DPP10: variants seen among roughly 807,000 people sequenced by gnomAD.
DPP10 encodes the protein dipeptidyl peptidase like 10, also known as inactive dipeptidyl peptidase 10.
A neutral mutation model predicts 120.9 loss-of-function variants in DPP10; 33 were observed. The observed-to-expected ratio is 0.27, with a 90% CI of 0.21 to 0.37. The LOEUF (loss-of-function observed/expected upper bound fraction) is 0.37. Among genes scored for constraint, DPP10 ranks in the 10% least tolerant of loss-of-function variants. The probability of loss-of-function intolerance (pLI) is 1.00; values close to 1 mark genes in which losing one functional copy is unlikely to be tolerated. For synonymous variants in DPP10, 337 were observed against 326.1 expected (o/e 1.03, Z -0.36); for missense variants, 816 against 942.8 (o/e 0.87, Z 1.76).
intron 3 of DPP10, among the ~76,000 whole-genome samples, chr2:115,491,814 T>C (rs115921043): frequency 0.011 from 1,739 of 152,276 alleles, 28 homozygotes; most frequent in African/African-American, 0.039. Flanking sequence ...ATGCTCCTGC[T>C]CTGTCAACTG....
chr2:115,729,681 G>A (rs2092851675), intron 8 of DPP10, among the ~76,000 whole-genome samples: 1 of 152,128 alleles, frequency 6.6e-6, no homozygotes, highest in Non-Finnish European at 1.5e-5. Flanking sequence ...TTGTTAATGA[G>A]AGAGGATTGC....
At chr2:115,801,313 TA>T (rs1036372800) in intron 19 of DPP10, among the ~76,000 whole-genome samples, 4 of 152,212 alleles carry the variant, frequency 2.6e-5, no homozygotes, top group Non-Finnish European at 5.9e-5. Flanking sequence ...TGAAGTTGCT[TA>T]TCAGCTTAAG....
At chr2:114,608,908 G>A (rs943299598) in intron 1 of DPP10, among the ~76,000 whole-genome samples, 1 of 152,066 alleles carries the variant, frequency 6.6e-6, no homozygotes, top group Non-Finnish European at 1.5e-5. Context: ...GAGGAAGGAC[G>A]GCAAGGGTTG....
At chr2:115,673,344 A>G (rs1049403049) in intron 5 of DPP10, among the ~76,000 whole-genome samples, 6 of 152,216 alleles carry the variant, frequency 3.9e-5, no homozygotes, top group Non-Finnish European at 7.3e-5. Context: ...GTCATGATGA[A>G]TATATCCAGA....
intron 17 of DPP10, among the ~76,000 whole-genome samples, chr2:115,782,805 A>G (rs1325827118): frequency 6.6e-6 from 1 of 152,072 alleles, no homozygotes; most frequent in Non-Finnish European, 1.5e-5. Flanking sequence ...TATATTTTCT[A>G]TCCTGTTTGT....
intron 4 of DPP10, among the ~76,000 whole-genome samples, chr2:115,503,996 G>A (rs2076817195): frequency 6.6e-6 from 1 of 152,042 alleles, no homozygotes; most frequent in South Asian, 2.1e-4. Flanking sequence ...TTTCTGAGGT[G>A]GGATCAAAGT....
chr2:115,807,533 T>C (rs957561608), intron 19 of DPP10, among the ~76,000 whole-genome samples: 7 of 152,202 alleles, frequency 4.6e-5, no homozygotes, highest in Admixed American at 2.6e-4. Context: ...ACTCTCATGA[T>C]GGTCATTATG....
chr2:114,603,080 G>A lies in DPP10; in HGVS notation c.60+160242G>A, dbSNP rs369250585. Among the ~76,000 whole-genome samples, 4 of 151,966 alleles carry A rather than the reference G, an allele frequency of 2.6e-5. No individual in the cohort carries two copies. The East Asian group carries it at 5.8e-4, about 22-fold the overall frequency. ...TGCCATCCCCAGTTCCTGGGGCCCT[G>A]GACTAAGCAGGCACAATGGGTCTGA... On this transcript the variant is annotated intron_variant, in intron 1 of 25. Transcript: ENST00000410059.
At chr2:115,438,860 A>G in intron 3 of DPP10, among the ~76,000 whole-genome samples, 1 of 101,978 alleles carries the variant, frequency 9.8e-6, no homozygotes, top group Non-Finnish European at 2.0e-5. Flanking sequence ...ACAGTGTGGA[A>G]TAGTGGCTAT....
chr2:115,162,169 C>T, intron 1 of DPP10: 5 of 1,544,726 alleles, frequency 3.2e-6, no homozygotes, highest in Middle Eastern at 2.2e-4. Flanking sequence ...CCAGGCTCTC[C>T]TGCTTCTCCA....
intron 2 of DPP10, among the ~76,000 whole-genome samples, chr2:115,326,608 G>A (rs538844064): frequency 6.6e-6 from 1 of 152,128 alleles, no homozygotes; most frequent in East Asian, 1.9e-4. Flanking sequence ...TATTTACCCT[G>A]AAGACCTTCT....
chr2:114,948,657 G>C lies in DPP10; in HGVS notation c.61-360582G>C, dbSNP rs529039616. On this transcript the variant is annotated intron_variant, in intron 1 of 25. Transcript: ENST00000410059. Reference sequence around the variant, plus strand: ...ACCACTGACCATCCTTCTTCCTCAGGGATCTTGCTTGTTTTTTGTTACTAT... The same window carrying C: ...ACCACTGACCATCCTTCTTCCTCAGCGATCTTGCTTGTTTTTTGTTACTAT... Among the ~76,000 whole-genome samples the C allele has an allele frequency of 1.5e-4, 23 of 152,118 alleles. 1 individual carries two copies. The South Asian group carries it at 4.8e-3, about 32-fold the overall frequency.
intron 1 of DPP10, among the ~76,000 whole-genome samples, chr2:114,645,185 G>C (rs1249676322): frequency 1.3e-5 from 2 of 152,126 alleles, no homozygotes; most frequent in Non-Finnish European, 2.9e-5. Context: ...ATTCCTTCCA[G>C]GTGCATTATT....
chr2:115,746,154 G>A lies in DPP10; in HGVS notation c.921G>A (p.Glu307=), dbSNP rs2149716741. 2.5e-6 allele frequency: 4 copies of A among 1,612,854 alleles called. No homozygotes were observed. The East Asian group carries it at 6.7e-5, about 27-fold the overall frequency. Residue 307 remains glutamate, a synonymous_variant, in exon 10 of 26, where the codon GAG becomes GAA. Coordinates refer to ENST00000410059, the MANE Select transcript of DPP10 (RefSeq NM_020868.6). ...TGTATGGACCAACTCACACTTTGGA[G>A]CTCATGCCACCTGACAGCTTTAAAT... ...VNLYGPTHTL[E]LMPPDSFKSR... is the part of the protein sequence containing the mutation.
chr2:114,987,175 G>A (rs1038413439), intron 1 of DPP10, among the ~76,000 whole-genome samples: 2 of 152,074 alleles, frequency 1.3e-5, no homozygotes, highest in Non-Finnish European at 2.9e-5. Context: ...TGATTTTTAA[G>A]GCATATAAAT....
chr2:115,813,032 A>G (rs1686823734), intron 19 of DPP10, among the ~76,000 whole-genome samples: 1 of 122,638 alleles, frequency 8.2e-6, no homozygotes, highest in South Asian at 2.6e-4. Context: ...CGGACTGCGG[A>G]CTGCAGTGGC....
intron 1 of DPP10, among the ~76,000 whole-genome samples, chr2:114,730,197 T>A (rs1341957213): frequency 5.3e-5 from 8 of 152,072 alleles, no homozygotes; most frequent in African/African-American, 1.7e-4. Context: ...CTCTTAGAAG[T>A]AATTTTGCCA....
intron 1 of DPP10, among the ~76,000 whole-genome samples, chr2:114,712,747 T>A (rs1238241228): frequency 6.6e-6 from 1 of 152,186 alleles, no homozygotes; most frequent in Non-Finnish European, 1.5e-5. Flanking sequence ...CCACTAGAAA[T>A]ATCCATTTTA....
chr2:114,668,516 A>G (rs1356712128), intron 1 of DPP10, among the ~76,000 whole-genome samples: 1 of 152,150 alleles, frequency 6.6e-6, no homozygotes, highest in African/African-American at 2.4e-5. Flanking sequence ...AACCAGAAAT[A>G]TTATCTTACC....
Sources: allele counts gnomAD v4.1 joint callset (sites outside exome capture counted in the v4.1 genomes callset), GRCh38; gene constraint gnomAD v4.1.1; transcripts MANE v1.5; gene names NCBI Gene and HGNC (gene_info 2026-07-23, HGNC 2026-07-21).